BMP6: variants seen among roughly 807,000 people sequenced by gnomAD.
The protein encoded by BMP6 is VG-1-R.
BMP6 carries 17 observed loss-of-function variants against 54.1 expected under a neutral mutation model. The ratio of observed to expected loss-of-function variants is 0.31; its 90% CI spans 0.22 to 0.47. The LOEUF (loss-of-function observed/expected upper bound fraction) is 0.47, where lower values mean the gene tolerates loss of function less well. Among genes scored for constraint, BMP6 ranks in the 20% least tolerant of loss-of-function variants. The pLI is 1.00. For synonymous variants in BMP6, 328 were observed against 291.2 expected, an observed-to-expected ratio of 1.13 and a Z score of -1.28; for missense variants, 720 against 690.4, an observed-to-expected ratio of 1.04 and a Z score of -0.48.
At chr6:7,860,289 TATTTA>T (rs1759314378) in intron 2 of BMP6, among the ~76,000 whole-genome samples, 1 of 152,240 alleles carries the variant, frequency 6.6e-6, no homozygotes, top group African/African-American at 2.4e-5. Context: ...TTAAACTTAG[TATTTA>T]ATTTTAGTCG....
intron 1 of BMP6, 74 bp from the exon 2 acceptor site, chr6:7,845,066 G>A: frequency 7.3e-7 from 1 of 1,363,092 alleles, no homozygotes. Context: ...GTCAAACGGG[G>A]AAACTGGTGA....
intron 1 of BMP6, among the ~76,000 whole-genome samples, chr6:7,786,611 C>T (rs1464159512): frequency 6.6e-6 from 1 of 152,088 alleles, no homozygotes; most frequent in Non-Finnish European, 1.5e-5. Context: ...ATCGACTTAG[C>T]TGTTCTGTGA....
intron 1 of BMP6, among the ~76,000 whole-genome samples, chr6:7,791,986 T>TTGGATGGATGGA (rs55687662): frequency 4.7e-5 from 7 of 150,316 alleles, no homozygotes; most frequent in African/African-American, 1.2e-4. Flanking sequence ...ACAGGACCAA[T>TTGGATGGATGGA]TGGATGGATG....
At chr6:7,822,333 A>G (rs532947346) in intron 1 of BMP6, among the ~76,000 whole-genome samples, 27 of 152,286 alleles carry the variant, frequency 1.8e-4, no homozygotes, top group Middle Eastern at 3.4e-3. Flanking sequence ...ACTTTTAAGC[A>G]GCCCTAGCAT....
Position 7,741,421 on chromosome 6 carries a change from G to T in BMP6, c.664+13802G>T, listed in dbSNP as rs559652920. 4.0e-5 allele frequency among the ~76,000 whole-genome samples: 6 copies of T among 151,560 alleles called. No individual in the cohort carries two copies. The East Asian group carries it at 1.2e-3, about 29-fold the overall frequency. ...AGTGATCCTCCCACCTCAGCCTCTT[G>T]AGTAGCTGGACTACTAGGCGTGTAC... On this transcript the variant is annotated intron_variant, in intron 1 of 6. Coordinates refer to ENST00000283147, the MANE Select transcript of BMP6 (RefSeq NM_001718.6).
intron 1 of BMP6, among the ~76,000 whole-genome samples, chr6:7,742,531 C>T (rs930043762): frequency 4.6e-5 from 7 of 152,180 alleles, no homozygotes; most frequent in African/African-American, 9.7e-5. Context: ...CTTAGCTCCC[C>T]GCTAGGCAAC....
chr6:7,795,145 G>C (rs1045285245), intron 1 of BMP6, among the ~76,000 whole-genome samples: 2 of 152,166 alleles, frequency 1.3e-5, no homozygotes, highest in East Asian at 3.8e-4. Context: ...GGGTTTTACA[G>C]ACATAAAGGA....
rs200922992 is a variant in BMP6, at chr6:7,775,306, CTCCTT to C, written c.664+47689_664+47693del. On this transcript the variant is annotated intron_variant, in intron 1 of 6. Coordinates refer to ENST00000283147, the MANE Select transcript of BMP6 (RefSeq NM_001718.6). The stretch of plus-strand genomic sequence containing the variant: ...GATCTCTAGGATATATAAATTCTCT[CTCCTT>C]TGCTCCAAGGATGATGACCTTGGTA... 3.7e-3 allele frequency among the ~76,000 whole-genome samples: 556 copies of C among 152,292 alleles called. 1 individual carries two copies. Among genetic ancestry groups the C allele is most frequent in the African/African-American group, 0.013 (540 of 41,564 alleles).
chr6:7,859,032 C>T (rs1276367527), intron 2 of BMP6, among the ~76,000 whole-genome samples: 1 of 152,042 alleles, frequency 6.6e-6, no homozygotes, highest in African/African-American at 2.4e-5. Flanking sequence ...AAACTGGGCT[C>T]TCCACATCCA....
intron 4 of BMP6, among the ~76,000 whole-genome samples, chr6:7,874,945 G>A (rs951486697): frequency 3.3e-5 from 5 of 150,296 alleles, no homozygotes; most frequent in African/African-American, 1.2e-4. Flanking sequence ...ATATATATAG[G>A]AGGAGATTTA....
intron 1 of BMP6, among the ~76,000 whole-genome samples, chr6:7,803,760 A>G (rs1758307087): frequency 6.6e-6 from 1 of 151,908 alleles, no homozygotes; most frequent in Non-Finnish European, 1.5e-5. Context: ...TTCACATTTA[A>G]CTTGCGAAAT....
At chr6:7,761,099 A>G (rs1266400181) in intron 1 of BMP6, among the ~76,000 whole-genome samples, 1 of 152,268 alleles carries the variant, frequency 6.6e-6, no homozygotes, top group African/African-American at 2.4e-5. Flanking sequence ...ATCCTCTTCA[A>G]GATTCAAGCT....
intron 1 of BMP6, among the ~76,000 whole-genome samples, chr6:7,793,574 A>G (rs928585994): frequency 3.7e-4 from 56 of 151,904 alleles, no homozygotes; most frequent in Non-Finnish European, 1.0e-4. Context: ...CTAATGTACC[A>G]CTTTGGTGCA....
chr6:7,880,127 T>C (rs374831278), intron 6 of BMP6, 26 bp downstream of exon 6: 1 of 1,613,908 alleles, frequency 6.2e-7, no homozygotes, highest in Admixed American at 1.7e-5. Flanking sequence ...CTTTGTTTTG[T>C]AAGTGGGAGT....
intron 2 of BMP6, among the ~76,000 whole-genome samples, chr6:7,854,946 A>G (rs1332028174): frequency 6.6e-6 from 1 of 152,190 alleles, no homozygotes; most frequent in Non-Finnish European, 1.5e-5. Context: ...CAGTTTGTAT[A>G]AAGTTTCCAT....
At chr6:7,768,054 T>A (rs1050578286) in intron 1 of BMP6, among the ~76,000 whole-genome samples, 1 of 152,232 alleles carries the variant, frequency 6.6e-6, no homozygotes, top group Admixed American at 6.5e-5. Flanking sequence ...ATAGGTATTT[T>A]CCTTCTCTTC....
At chr6:7,730,757 A>C (rs1304643392) in intron 1 of BMP6, among the ~76,000 whole-genome samples, 1 of 152,208 alleles carries the variant, frequency 6.6e-6, no homozygotes, top group East Asian at 1.9e-4. Flanking sequence ...CAGATTTCCT[A>C]ATTGCTGTCA....
chr6:7,789,697 C>T (rs1758067009), intron 1 of BMP6, among the ~76,000 whole-genome samples: 2 of 152,092 alleles, frequency 1.3e-5, no homozygotes, highest in African/African-American at 4.8e-5. Context: ...TCTGGAAGTA[C>T]TCGGGGCTGG....
At chr6:7,825,755 T>G (rs925813999) in intron 1 of BMP6, among the ~76,000 whole-genome samples, 1 of 151,808 alleles carries the variant, frequency 6.6e-6, no homozygotes, top group Non-Finnish European at 1.5e-5. Flanking sequence ...AAAAAAACTT[T>G]AGTGTTTTTC....
Sources: gnomAD v4.1 joint callset for allele counts (sites outside exome capture counted in the v4.1 genomes callset) on GRCh38, gnomAD v4.1.1 for gene constraint, MANE v1.5 for transcripts, NCBI Gene and HGNC (gene_info 2026-07-23, HGNC 2026-07-21) for gene names.